The following ZZEF1 variants were observed in gnomAD, a reference collection of about 807,000 sequenced individuals.
ZZEF1 encodes the protein zinc finger ZZ-type and EF-hand domain containing 1, also known as zinc finger ZZ-type and EF-hand domain-containing protein 1.
In ZZEF1, 157 loss-of-function variants were observed where a neutral mutation model predicts 342.8. That is an observed-to-expected ratio of 0.46 (90% confidence interval 0.40 to 0.52). The LOEUF is 0.52. Ranked by LOEUF, ZZEF1 falls within the 20% of genes least tolerant of loss-of-function variation. The pLI, the probability that ZZEF1 is intolerant of heterozygous loss-of-function variation, is 0.00. For synonymous variants in ZZEF1, 1,505 were observed against 1,429.1 expected (o/e 1.05, Z -1.20); for missense variants, 3,480 against 3,725.6 (o/e 0.93, Z 1.72).
Position 4,121,638 on chromosome 17 carries a change from A to G in ZZEF1, c.499+2269T>C, listed in dbSNP as rs577929946. ...ACTCTGTCTCAAAAGAAAAATAATA[A>G]TAATTTTAATTGCCATGAGACTAGG... On this transcript the variant is annotated intron_variant, in intron 2 of 54. Transcript: ENST00000381638. 6.6e-5 allele frequency among the ~76,000 whole-genome samples: 10 copies of G among 152,246 alleles called. No individual in the cohort carries two copies. In the South Asian group the frequency reaches 2.1e-3, roughly 32 times the overall value.
Position 4,022,844 on chromosome 17 carries a change from AGAAT to A in ZZEF1, c.7093-20_7093-17del, listed in dbSNP as rs771370023. On this transcript the variant is annotated splice_polypyrimidine_tract_variant and intron_variant, in intron 43 of 54. Coordinates refer to ENST00000381638, the MANE Select transcript of ZZEF1 (RefSeq NM_015113.4). ...AACCGTGAGCCTGCCAAGCAGAAGA[AGAAT>A]GATGTGTGACTGCCTTGGAGTGAAG... 5.6e-6 allele frequency: 9 copies of A among 1,613,206 alleles called. No homozygotes were observed. The highest frequency in any genetic ancestry group is 6.8e-6 in the Non-Finnish European group (8 of 1,179,480).
rs770972932 is a variant in ZZEF1, at chr17:4,014,231, C to T, written c.8315-43G>A. On this transcript the variant is annotated intron_variant, in intron 50 of 54. Transcript: ENST00000381638. The surrounding 1 kb of genome is among the most constrained non-coding windows in gnomAD (Gnocchi z 4.4). ...AGAGGCCCATCAGGAACTGAAGCAA[C>T]AGGGAATGGCAGCAGTGGTGTTGGG... 7 of 1,611,744 alleles carry T rather than the reference C, an allele frequency of 4.3e-6. No homozygotes were observed. The East Asian group carries it at 1.3e-4, about 31-fold the overall frequency.
intron 37 of ZZEF1, among the ~76,000 whole-genome samples, chr17:4,047,065 G>T (rs1034924415): frequency 6.6e-6 from 1 of 152,128 alleles, no homozygotes; most frequent in Non-Finnish European, 1.5e-5. Context: ...TGAAGACTAA[G>T]AGGAAGAGCC....
chr17:4,136,896 G>T (rs1298181135), intron 1 of ZZEF1, among the ~76,000 whole-genome samples: 1 of 151,890 alleles, frequency 6.6e-6, no homozygotes, highest in Non-Finnish European at 1.5e-5. Flanking sequence ...TTGTTGTGAT[G>T]AAGCCTTTCT....
At chr17:4,112,048 A>G (rs1190316600) in intron 5 of ZZEF1, among the ~76,000 whole-genome samples, 1 of 23,664 alleles carries the variant, frequency 4.2e-5, no homozygotes, top group Middle Eastern at 0.013. Context: ...ATATATATAT[A>G]TATATATATA....
chr17:4,064,368 G>T lies in ZZEF1; in HGVS notation c.4711C>A (p.His1571Asn). The change falls in exon 29 of 55, where the codon CAC (histidine) becomes AAC (asparagine). Residue 1571 changes from histidine to asparagine, a missense_variant. His to Asn is a moderately conservative substitution (Grantham distance 68). Around this residue, in one of 5 missense-constraint regions of ZZEF1, gnomAD observed 1,528 missense variants for 1,624.1 expected, o/e 0.94. Coordinates refer to ENST00000381638, the MANE Select transcript of ZZEF1 (RefSeq NM_015113.4). The stretch of plus-strand genomic sequence containing the variant: ...AGGTAACAACGGGCTTACCTCCTGT[G>T]CGAGAGCGACTGATCCTTAATGAAG... The part of the protein sequence containing the change: ...MDFIKDQSLS[H>N]RSVVKVLSLR... The T allele has an allele frequency of 1.3e-6, 2 of 1,584,122 alleles. No individual in the cohort carries two copies. Among genetic ancestry groups the T allele is most frequent in the Non-Finnish European group, 1.7e-6 (2 of 1,159,780 alleles).
intron 36 of ZZEF1, 90 bp from the exon 37 acceptor site, chr17:4,049,949 G>C: frequency 6.9e-7 from 1 of 1,453,992 alleles, no homozygotes; most frequent in Non-Finnish European, 9.4e-7. Flanking sequence ...CCATTATATA[G>C]AAATAAATAA....
At chr17:4,043,414 T>C (rs1260734003) in intron 38 of ZZEF1, among the ~76,000 whole-genome samples, 1 of 152,210 alleles carries the variant, frequency 6.6e-6, no homozygotes, top group Non-Finnish European at 1.5e-5. Context: ...ACACACTGCA[T>C]AGATAAGCAT....
In ZZEF1 at chr17:4,042,515, T is replaced by A. The variant is rs1485968679; in HGVS notation, c.6220A>T (p.Thr2074Ser). The A allele has an allele frequency of 1.9e-6, 3 of 1,613,944 alleles. No individual in the cohort carries two copies. In the Admixed American group the frequency reaches 5.0e-5, roughly 27 times the overall value. Residue 2074 changes from threonine to serine, a missense_variant, in exon 39 of 55, where the codon ACT (threonine) becomes TCT (serine). Thr to Ser is a moderately conservative substitution (Grantham distance 58). Transcript: ENST00000381638. ...SQKPIEEKAV[T>S]PSPEQVFAEC... ...GCAAACACTTGCTCAGGGCTTGGAG[T>A]AACTGCTTTTTCCTCTATGGGCTTC... is the stretch of plus-strand genomic sequence containing the variant.
chr17:4,120,901 C>T (rs1399411368), intron 2 of ZZEF1, among the ~76,000 whole-genome samples: 11 of 152,268 alleles, frequency 7.2e-5, no homozygotes, highest in East Asian at 3.9e-4. Flanking sequence ...GGAAAAGGTA[C>T]TGTTCTCTTT....
At chr17:4,131,762 G>A (rs1280820747) in intron 1 of ZZEF1, among the ~76,000 whole-genome samples, 1 of 151,972 alleles carries the variant, frequency 6.6e-6, no homozygotes, top group Non-Finnish European at 1.5e-5. Context: ...CTGGGTGACA[G>A]AGCAAGACCC....
chr17:4,013,340 A>G, intron 52 of ZZEF1, 109 bp downstream of exon 52: 2 of 1,116,730 alleles, frequency 1.8e-6, no homozygotes, highest in Non-Finnish European at 1.2e-6. Flanking sequence ...AAGACATTAA[A>G]GCCACAAATG....
At position 4,058,030 on chromosome 17, in the gene ZZEF1, G is replaced by T; in HGVS notation, c.5129C>A (p.Ser1710Ter). 6.2e-7 allele frequency: 1 copy of T among 1,614,142 alleles called. No homozygotes were observed. Among genetic ancestry groups the T allele is most frequent in the South Asian group, 1.1e-5 (1 of 91,066 alleles). Residue 1710 changes from serine to a stop codon, truncating the protein, a stop_gained, in exon 32 of 55, where the codon TCA (serine) becomes TAA (stop). Transcript: ENST00000381638. LOFTEE classifies it high-confidence loss of function. ...IQLPDLLMKMSQENISVHDSV... is the reference protein window; with the variant it reads ...IQLPDLLMKM ...GTCATGGACACTTATATTCTCCTGT[G>T]ACATTTTCATGAGGAGATCTGGTAA...
chr17:4,020,985 A>T, intron 45 of ZZEF1, 144 bp downstream of exon 45: 1 of 800,246 alleles, frequency 1.2e-6, no homozygotes, highest in South Asian at 2.5e-5. Flanking sequence ...AATTCTGCAC[A>T]ACATAAGACT....
Position 4,070,871 on chromosome 17 carries a change from C to T in ZZEF1, c.3888G>A (p.Gln1296=), listed in dbSNP as rs762639456. The part of the protein sequence containing the change: ...PCRHFLLDFA[Q]SEPAQNFCGP... ...CACAGAAGTTCTGAGCAGGCTCTGA[C>T]TGGGCAAAATCAAGAAGAAAATGGC... The change falls in exon 26 of 55, where the codon CAG becomes CAA. Residue 1296 remains glutamine, a synonymous_variant. Transcript: ENST00000381638. The T allele has an allele frequency of 1.1e-5, 17 of 1,614,032 alleles. No homozygotes were observed. The highest frequency in any genetic ancestry group is 1.3e-5 in the Non-Finnish European group (15 of 1,180,014).
At chr17:4,109,181 A>G (rs1479921508) in intron 6 of ZZEF1, among the ~76,000 whole-genome samples, 10 of 152,194 alleles carry the variant, frequency 6.6e-5, no homozygotes, top group African/African-American at 2.2e-4. Flanking sequence ...TGGTCTTGTG[A>G]CTTCAGGAAA....
chr17:4,066,026 G>C (rs540718153), intron 28 of ZZEF1, among the ~76,000 whole-genome samples: 5 of 152,082 alleles, frequency 3.3e-5, no homozygotes, highest in Non-Finnish European at 5.9e-5. Flanking sequence ...AATTTGCCAG[G>C]TGTTGTGGCA....
intron 2 of ZZEF1, among the ~76,000 whole-genome samples, chr17:4,121,752 C>A (rs1442857775): frequency 6.7e-6 from 1 of 150,134 alleles, no homozygotes; most frequent in Non-Finnish European, 1.5e-5. Flanking sequence ...GAGACAGGGT[C>A]TCGCTCTATC....
At chr17:4,136,613 A>G (rs371491865) in intron 1 of ZZEF1, among the ~76,000 whole-genome samples, 2 of 152,154 alleles carry the variant, frequency 1.3e-5, no homozygotes, top group African/African-American at 2.4e-5. Flanking sequence ...GAGCAGACTC[A>G]TAACACGGCA....
Sources: gnomAD v4.1 joint callset for allele counts (sites outside exome capture counted in the v4.1 genomes callset) on GRCh38, gnomAD v4.1.1 for gene constraint, gnomAD v4.1.1 regional missense constraint, Gnocchi (gnomAD v3.1) non-coding constraint, MANE v1.5 for transcripts, NCBI Gene and HGNC (gene_info 2026-07-23, HGNC 2026-07-21) for gene names.